Variants in PPIP5K2 observed in about 807,000 individuals in gnomAD.
PPIP5K2 encodes the protein diphosphoinositol pentakisphosphate kinase 2.
In PPIP5K2, 105 loss-of-function variants were observed where a neutral mutation model predicts 154.6. That is an observed-to-expected ratio of 0.68 (90% CI 0.58 to 0.80). PPIP5K2 has a LOEUF of 0.80. Ranked by LOEUF, PPIP5K2 falls within the 30% of genes least tolerant of loss-of-function variation. The pLI, the probability that PPIP5K2 is intolerant of heterozygous loss-of-function variation, is 0.00. For missense variants in PPIP5K2, 992 were observed against 1,504.6 expected (o/e 0.66, Z 5.64); for synonymous variants, 480 against 490.3 (o/e 0.98, Z 0.28).
chr5:103,195,943 T>A (rs1802024583), intron 30 of PPIP5K2, among the ~76,000 whole-genome samples: 3 of 152,216 alleles, frequency 2.0e-5, no homozygotes, highest in Non-Finnish European at 4.4e-5. Context: ...CTGGACAAGT[T>A]ACTTAACCTC....
intron 14 of PPIP5K2, 71 bp from the exon 15 acceptor site, chr5:103,158,117 A>C: frequency 1.3e-6 from 2 of 1,513,826 alleles, no homozygotes; most frequent in Non-Finnish European, 1.8e-6. Flanking sequence ...AGCACAGAGA[A>C]AAAAATGAAT....
At chr5:103,173,023 A>G in intron 19 of PPIP5K2, 132 bp from the exon 20 acceptor site, 2 of 649,080 alleles carry the variant, frequency 3.1e-6, no homozygotes, top group Non-Finnish European at 4.8e-6. Context: ...AAAAATGCAA[A>G]CTCGGAGTTA....
rs371179608 is a variant in PPIP5K2, at chr5:103,186,426, T to C, written c.3276T>C (p.Ser1092=). ...CTCATCGTAAAAAGCTGACCTCTTC[T>C]GGCTGCATAGATGGTATGTGCACAC... The part of the protein sequence containing the change: ...ARTHRKKLTS[S]GCIDDATRGS... Residue 1092 remains serine (S), a synonymous_variant, in exon 27 of 31, where the codon TCT becomes TCC. Coordinates refer to ENST00000358359, the MANE Select transcript of PPIP5K2 (RefSeq NM_001276277.3). The C allele has an allele frequency of 7.2e-4, 1,155 of 1,613,930 alleles. 20 individuals are homozygous for C. The South Asian group carries it at 0.012, about 17-fold the overall frequency.
At chr5:103,188,238 A>G (rs1256610653) in intron 28 of PPIP5K2, among the ~76,000 whole-genome samples, 1 of 152,162 alleles carries the variant, frequency 6.6e-6, no homozygotes, top group Non-Finnish European at 1.5e-5. Context: ...GGATCAAAGA[A>G]TTTAAAAGAG....
intron 26 of PPIP5K2, among the ~76,000 whole-genome samples, chr5:103,185,920 TAGA>T (rs1433950657): frequency 6.6e-6 from 1 of 151,414 alleles, no homozygotes; most frequent in Non-Finnish European, 1.5e-5. Flanking sequence ...TAATTTGTGC[TAGA>T]AGGAGTGTTT....
In PPIP5K2 at chr5:103,153,689, A is replaced by G. The variant is rs559912698; in HGVS notation, c.1131-159A>G. Reference sequence around the variant, plus strand: ...GTTCTTTTTGAATTTTATTTCATAAAGTTAAAACTAGATTGTTATAAGTAT... The same window carrying G: ...GTTCTTTTTGAATTTTATTTCATAAGGTTAAAACTAGATTGTTATAAGTAT... On this transcript the variant is annotated intron_variant, in intron 10 of 30. Coordinates refer to ENST00000358359, the MANE Select transcript of PPIP5K2 (RefSeq NM_001276277.3). Among the ~76,000 whole-genome samples, 8 of 152,088 alleles carry G rather than the reference A, an allele frequency of 5.3e-5. 1 individual carries two copies. The South Asian group carries it at 1.7e-3, about 31-fold the overall frequency.
chr5:103,122,775 T>C (rs1554199533), intron 1 of PPIP5K2, among the ~76,000 whole-genome samples: 1 of 152,214 alleles, frequency 6.6e-6, no homozygotes, highest in African/African-American at 2.4e-5. Context: ...AGTTTATAGT[T>C]GGGCTCCTGA....
intron 5 of PPIP5K2, among the ~76,000 whole-genome samples, chr5:103,139,430 C>T (rs1792168463): frequency 6.6e-6 from 1 of 152,126 alleles, no homozygotes; most frequent in Admixed American, 6.5e-5. Context: ...CTCTAGGAGT[C>T]AGCAAGAGTT....
chr5:103,179,885 A>C, intron 23 of PPIP5K2, 136 bp from the exon 24 acceptor site: 2 of 660,584 alleles, frequency 3.0e-6, no homozygotes, highest in Non-Finnish European at 4.6e-6. Context: ...GAAGAGTTCA[A>C]TTAATGTTAA....
chr5:103,127,797 C>A (rs562852337), intron 1 of PPIP5K2, among the ~76,000 whole-genome samples: 2 of 152,002 alleles, frequency 1.3e-5, no homozygotes, highest in South Asian at 4.1e-4. Context: ...CTTCCATTAT[C>A]GAAATATTTG....
Position 103,204,785 on chromosome 5 carries a change from A to G in PPIP5K2, c.*3151A>G, listed in dbSNP as rs1370197756. ...TTTCTATTTTCAGAGAACAGAGCACATTAAAAAATCTATTTAGTATTGTGT... is the reference window on the plus strand; with the variant it reads ...TTTCTATTTTCAGAGAACAGAGCACGTTAAAAAATCTATTTAGTATTGTGT... On this transcript the variant is annotated 3_prime_UTR_variant, in exon 31 of 31. Transcript: ENST00000358359. The G allele has an allele frequency of 6.6e-6, 1 of 152,172 alleles. No homozygotes were observed. Among genetic ancestry groups the G allele is most frequent in the East Asian group, 1.9e-4 (1 of 5,184 alleles). 9.4% of individuals were successfully genotyped at this position (152,172 alleles called of 1,614,324 possible).
At chr5:103,176,978 G>GTATCCCT in intron 21 of PPIP5K2, 2 of 1,164,550 alleles carry the variant, frequency 1.7e-6, no homozygotes, top group Non-Finnish European at 2.4e-6. Flanking sequence ...GTGTAATAGG[G>GTATCCCT]ATACTTGTTG....
At chr5:103,164,199 G>T in intron 17 of PPIP5K2, among the ~76,000 whole-genome samples, 1 of 151,700 alleles carries the variant, frequency 6.6e-6, no homozygotes. Flanking sequence ...AATTTGTGTA[G>T]GATCTATAGA....
At position 103,129,550 on chromosome 5, in the gene PPIP5K2, A is replaced by T; in HGVS notation, c.-40A>T. 1 of 1,492,990 alleles carries T rather than the reference A, an allele frequency of 6.7e-7. No individual in the cohort carries two copies. The highest frequency in any genetic ancestry group is 8.9e-7 in the Non-Finnish European group (1 of 1,119,030). The allele number at this position is 1,492,990 out of a possible 1,614,324, so 92.5% of individuals were successfully genotyped here. A position where few individuals can be genotyped will look rare whatever the true frequency, so the allele number is the denominator to read the frequency against. ...CTATTTACTTAGAGGCAGTTTTAATATAAATCATTTCAATTATATCTACAT... is the reference window on the plus strand; with the variant it reads ...CTATTTACTTAGAGGCAGTTTTAATTTAAATCATTTCAATTATATCTACAT... On this transcript the variant is annotated 5_prime_UTR_variant, in exon 2 of 31. Transcript: ENST00000358359.
chr5:103,159,958 T>C (rs1554215077), intron 17 of PPIP5K2, among the ~76,000 whole-genome samples: 1 of 152,146 alleles, frequency 6.6e-6, no homozygotes, highest in Non-Finnish European at 1.5e-5. Context: ...GTAGCCATCA[T>C]TTTACTCTGC....
At chr5:103,151,212 A>T (rs1554211196) in intron 8 of PPIP5K2, 41 bp from the exon 9 acceptor site, 1 of 1,508,748 alleles carries the variant, frequency 6.6e-7, no homozygotes, top group Admixed American at 2.0e-5. Flanking sequence ...AATCTTAATA[A>T]TTTAAATAAA....
In PPIP5K2 at chr5:103,208,933, T is replaced by C. The variant is rs572356574; in HGVS notation, c.*7299T>C. 2.0e-5 allele frequency: 3 copies of C among 152,288 alleles called. No individual in the cohort carries two copies. The highest frequency in any genetic ancestry group is 7.2e-5 in the African/African-American group (3 of 41,566). 9.4% of individuals were successfully genotyped at this position (152,288 alleles called of 1,614,324 possible). On this transcript the variant is annotated 3_prime_UTR_variant, in exon 31 of 31. Coordinates refer to ENST00000358359, the MANE Select transcript of PPIP5K2 (RefSeq NM_001276277.3). Reference sequence around the variant, plus strand: ...ATTAAGACCTAATTTCTCCTTCATTTTCAAACTGGATATCATTTCTTTTGT... The same window carrying C: ...ATTAAGACCTAATTTCTCCTTCATTCTCAAACTGGATATCATTTCTTTTGT...
At chr5:103,187,222 A>T in intron 27 of PPIP5K2, 92 bp from the exon 28 acceptor site, 7 of 885,998 alleles carry the variant, frequency 7.9e-6, no homozygotes, top group Non-Finnish European at 1.2e-5. Context: ...CACCTTTCTA[A>T]CCTCCTCATA....
intron 29 of PPIP5K2, among the ~76,000 whole-genome samples, chr5:103,192,333 T>C (rs1041714252): frequency 6.6e-6 from 1 of 152,116 alleles, no homozygotes; most frequent in Non-Finnish European, 1.5e-5. Context: ...ATGAAGGTGG[T>C]AATCTCCTTT....
Sources: allele counts gnomAD v4.1 joint callset (sites outside exome capture counted in the v4.1 genomes callset), GRCh38; gene constraint gnomAD v4.1.1; transcripts MANE v1.5; gene names NCBI Gene and HGNC (gene_info 2026-07-23, HGNC 2026-07-21).